The following PHLDB2 variants were observed in gnomAD, a reference collection of about 807,000 sequenced individuals.
The protein encoded by PHLDB2 is pleckstrin homology-like domain family B member 2.
A neutral mutation model predicts 123.6 loss-of-function variants in PHLDB2; 71 were observed. The ratio of observed to expected loss-of-function variants is 0.57; its 90% CI spans 0.47 to 0.70. The LOEUF (loss-of-function observed/expected upper bound fraction) is 0.70. PHLDB2 is among the 30% of genes least tolerant of loss of function. The pLI is 0.00. For missense variants in PHLDB2, 1,446 were observed against 1,519.5 expected (o/e 0.95, Z 0.80); for synonymous variants, 547 against 541.6 (o/e 1.01, Z -0.14).
At chr3:111,740,493 G>A (rs1350278463) in intron 1 of PHLDB2, among the ~76,000 whole-genome samples, 1 of 152,104 alleles carries the variant, frequency 6.6e-6, no homozygotes, top group Non-Finnish European at 1.5e-5. Flanking sequence ...GTCTTCAAGT[G>A]ACTTTCTGCT....
intron 12 of PHLDB2, chr3:111,960,208 G>T (rs990581525): frequency 2.4e-6 from 2 of 838,990 alleles, no homozygotes; most frequent in Non-Finnish European, 2.9e-6. Flanking sequence ...GAATTATTTC[G>T]CCTTCCTTAA....
chr3:111,897,541 G>A (rs2066946310), intron 2 of PHLDB2, among the ~76,000 whole-genome samples: 1 of 152,148 alleles, frequency 6.6e-6, no homozygotes, highest in Non-Finnish European at 1.5e-5. Flanking sequence ...GAAAATTTTT[G>A]GTTTGGATAA....
chr3:111,826,914 A>G (rs575041639), intron 1 of PHLDB2, among the ~76,000 whole-genome samples: 11 of 152,278 alleles, frequency 7.2e-5, no homozygotes, highest in Non-Finnish European at 1.5e-4. Context: ...GCTGATGATG[A>G]TGATGGAAAT....
At chr3:111,852,466 CA>C (rs1339276205) in intron 2 of PHLDB2, among the ~76,000 whole-genome samples, 2 of 150,246 alleles carry the variant, frequency 1.3e-5, no homozygotes, top group African/African-American at 4.9e-5. Flanking sequence ...TTATGTATAA[CA>C]TTAAGGACAA....
intron 1 of PHLDB2, among the ~76,000 whole-genome samples, chr3:111,822,317 G>GTGTGTGTGTGTGTA (rs1553734228): frequency 1.5e-3 from 220 of 147,896 alleles, no homozygotes; most frequent in African/African-American, 5.1e-3. Context: ...GTGTGTGTGT[G>GTGTGTGTGTGTGTA]TATATATATA....
At chr3:111,786,207 C>T (rs2060673487) in intron 1 of PHLDB2, among the ~76,000 whole-genome samples, 2 of 152,228 alleles carry the variant, frequency 1.3e-5, no homozygotes, top group South Asian at 4.1e-4. Context: ...ACTTCTAATA[C>T]CTAATACACT....
chr3:111,756,626 T>C (rs1384299011), intron 1 of PHLDB2, among the ~76,000 whole-genome samples: 6 of 152,146 alleles, frequency 3.9e-5, no homozygotes, highest in African/African-American at 1.2e-4. Context: ...TGTCTTTTAA[T>C]TGGAGCATTT....
chr3:111,871,969 G>A (rs902318666), intron 1 of PHLDB2, among the ~76,000 whole-genome samples: 3 of 152,202 alleles, frequency 2.0e-5, no homozygotes, highest in African/African-American at 7.2e-5. Context: ...ATCTTCCAGC[G>A]ATCTCATCAT....
intron 8 of PHLDB2, among the ~76,000 whole-genome samples, chr3:111,942,102 A>G (rs2069934933): frequency 6.6e-6 from 1 of 152,220 alleles, no homozygotes; most frequent in Non-Finnish European, 1.5e-5. Flanking sequence ...AGTATTTAAT[A>G]TTTAAAATTT....
At chr3:111,953,065 T>G (rs2070810697) in intron 11 of PHLDB2, among the ~76,000 whole-genome samples, 1 of 152,210 alleles carries the variant, frequency 6.6e-6, no homozygotes, top group African/African-American at 2.4e-5. Flanking sequence ...TTCAGACATT[T>G]TCATGTAGCT....
chr3:111,866,037 T>TTC (rs2065061824), intron 1 of PHLDB2, among the ~76,000 whole-genome samples: 1 of 132,914 alleles, frequency 7.5e-6, no homozygotes, highest in African/African-American at 2.7e-5. Flanking sequence ...TTTTTTTTTT[T>TTC]TGGAGACAGA....
intron 1 of PHLDB2, among the ~76,000 whole-genome samples, chr3:111,804,246 C>T (rs1168120251): frequency 2.0e-5 from 3 of 152,078 alleles, no homozygotes; most frequent in African/African-American, 7.2e-5. Context: ...CTATTGAGAA[C>T]ACATGGTCTA....
At chr3:111,860,412 GA>G (rs1175904351) in intron 1 of PHLDB2, among the ~76,000 whole-genome samples, 1 of 152,232 alleles carries the variant, frequency 6.6e-6, no homozygotes, top group African/African-American at 2.4e-5. Flanking sequence ...ATAGCAGCTG[GA>G]AGGCTTGGGG....
chr3:111,888,344 A>C (rs1018007230), intron 2 of PHLDB2, among the ~76,000 whole-genome samples: 5 of 151,880 alleles, frequency 3.3e-5, no homozygotes, highest in African/African-American at 1.2e-4. Flanking sequence ...TAGTTCAGGA[A>C]TAGATATCTT....
chr3:111,845,198 C>CA (rs1248747465), intron 1 of PHLDB2, among the ~76,000 whole-genome samples: 8 of 151,262 alleles, frequency 5.3e-5, no homozygotes, highest in Non-Finnish European at 1.0e-4. Context: ...ACTAAAAATA[C>CA]AAAAAAATTA....
chr3:111,822,295 A>ATGTGTGTGTGTGTG (rs35687126), intron 1 of PHLDB2, among the ~76,000 whole-genome samples: 6,364 of 143,996 alleles, frequency 0.044, 214 homozygotes, highest in Admixed American at 0.079. Flanking sequence ...ATCTTTATGT[A>ATGTGTGTGTGTGTG]TGTGTGTGTG....
intron 6 of PHLDB2, among the ~76,000 whole-genome samples, chr3:111,939,033 C>T (rs1448648219): frequency 1.3e-5 from 2 of 152,120 alleles, no homozygotes; most frequent in Non-Finnish European, 2.9e-5. Flanking sequence ...GTCTCAAACT[C>T]CTGACCTCAG....
chr3:111,802,451 C>T (rs1314784261), intron 1 of PHLDB2, among the ~76,000 whole-genome samples: 2 of 152,216 alleles, frequency 1.3e-5, no homozygotes, highest in Non-Finnish European at 2.9e-5. Context: ...TAACTAATGA[C>T]ACTCCTATGA....
rs776780943 is a variant in PHLDB2, at chr3:111,953,916, C to T, written c.2773-14C>T. The T allele has an allele frequency of 6.2e-7, 1 of 1,610,568 alleles. No individual in the cohort carries two copies. Among genetic ancestry groups the T allele is most frequent in the Middle Eastern group, 1.7e-4 (1 of 6,012 alleles). On this transcript the variant is annotated splice_polypyrimidine_tract_variant and intron_variant, in intron 11 of 17. Transcript: ENST00000431670. The stretch of plus-strand genomic sequence containing the variant: ...CTGCAGCTTGCCTGAAGTACTCCCT[C>T]CTGCTTCCCGCAGGCCCATCTGCCC...
Sources: gnomAD v4.1 joint callset for allele counts (sites outside exome capture counted in the v4.1 genomes callset) on GRCh38, gnomAD v4.1.1 for gene constraint, MANE v1.5 for transcripts, NCBI Gene and HGNC (gene_info 2026-07-23, HGNC 2026-07-21) for gene names.